Variants in SLC3A1 observed in about 807,000 individuals in gnomAD.
SLC3A1 encodes amino acid transporter heavy chain SLC3A1.
In SLC3A1, 78 loss-of-function variants were observed where a neutral mutation model predicts 60.3. The ratio of observed to expected loss-of-function variants is 1.29; its 90% confidence interval spans 1.08 to 1.56. The LOEUF (loss-of-function observed/expected upper bound fraction) is 1.56, where lower values mean the gene tolerates loss of function less well. SLC3A1 is among the 40% of genes most tolerant of loss of function. The probability of loss-of-function intolerance (pLI) is 0.00; values close to 1 mark genes in which losing one functional copy is unlikely to be tolerated. For missense variants in SLC3A1, 1,172 were observed against 858.9 expected, an observed-to-expected ratio of 1.36 and a Z score of -4.56; for synonymous variants, 392 against 307.9, an observed-to-expected ratio of 1.27 and a Z score of -2.86.
rs1017586552 is a variant in SLC3A1 at position 44,312,682 on chromosome 2, A to G, written c.1429A>G (p.Ile477Val). The G allele has an allele frequency of 6.8e-6, 11 of 1,613,246 alleles. No individual in the cohort carries two copies. Among genetic ancestry groups the G allele is most frequent in the African/African-American group, 1.3e-5 (1 of 74,912 alleles). Residue 477 changes from isoleucine to valine, a missense_variant, in exon 8 of 10, where the codon ATA (isoleucine) becomes GTA (valine). Transcript: ENST00000260649. ...TCTTTTCACACTCCCTGGAACTCCT[A>G]TAACTTACTATGGAGAAGAAATTGG... ...MLLFTLPGTP[I>V]TYYGEEIGMG...
At chr2:44,310,540 A>C (rs1672268925) in intron 7 of SLC3A1, among the ~76,000 whole-genome samples, 1 of 151,942 alleles carries the variant, frequency 6.6e-6, no homozygotes, top group African/African-American at 2.4e-5. Flanking sequence ...TGATGTACCA[A>C]TTTTCTTTGC....
intron 9 of SLC3A1, among the ~76,000 whole-genome samples, chr2:44,315,675 A>AAAAT (rs1553347695): frequency 6.7e-5 from 10 of 150,336 alleles, no homozygotes; most frequent in African/African-American, 2.5e-4. Flanking sequence ...AAAAAAAAAA[A>AAAAT]GCAGAGAATA....
At chr2:44,318,875 T>C (rs1380689005) in intron 9 of SLC3A1, 1 of 152,170 alleles carries the variant, frequency 6.6e-6, no homozygotes, top group Non-Finnish European at 1.5e-5. Flanking sequence ...AAATCATGAC[T>C]ACGCATCTAA....
At chr2:44,296,006 G>C (rs1381609349) in intron 4 of SLC3A1, among the ~76,000 whole-genome samples, 1 of 152,188 alleles carries the variant, frequency 6.6e-6, no homozygotes, top group Non-Finnish European at 1.5e-5. Flanking sequence ...CTTAAAATGA[G>C]CAAAGAAGGG....
At position 44,313,818 on chromosome 2, in the gene SLC3A1, C is replaced by A; in HGVS notation, c.1501-17C>A. On this transcript the variant is annotated splice_polypyrimidine_tract_variant and intron_variant, in intron 8 of 9. Transcript: ENST00000260649. ...ATAACCAAACCACTGTTTTCCCTTT[C>A]TGGTCTTTTGACATAGAATACCCTT... The A allele has an allele frequency of 2.5e-6, 4 of 1,581,846 alleles. No individual in the cohort carries two copies. The highest frequency in any genetic ancestry group is 3.5e-6 in the Non-Finnish European group (4 of 1,150,538).
chr2:44,318,252 G>A lies in SLC3A1; in HGVS notation c.1618-1947G>A, dbSNP rs145898308. On this transcript the variant is annotated intron_variant, in intron 9 of 9. Coordinates refer to ENST00000260649, the MANE Select transcript of SLC3A1 (RefSeq NM_000341.4). ...ATTACAGGTGCACGTCATTATGCCC[G>A]GGTAATTTCTGTATTTTTTAGTAGA... is the stretch of plus-strand genomic sequence containing the variant. 4.7e-3 allele frequency: 1,466 copies of A among 310,640 alleles called. 27 individuals carry two copies. The highest frequency in any genetic ancestry group is 0.031 in the African/African-American group (1,365 of 43,450). The allele number at this position is 310,640 out of a possible 1,614,324, so 19.2% of individuals were successfully genotyped here.
chr2:44,292,012 T>C (rs1671749948), intron 4 of SLC3A1, among the ~76,000 whole-genome samples: 1 of 152,206 alleles, frequency 6.6e-6, no homozygotes, highest in African/African-American at 2.4e-5. Flanking sequence ...TATAATACTT[T>C]ATACTTTCCC....
chr2:44,304,100 TC>T (rs1166014843), intron 6 of SLC3A1, 42 bp from the exon 7 acceptor site: 3 of 1,535,544 alleles, frequency 2.0e-6, no homozygotes, highest in Non-Finnish European at 2.7e-6. Context: ...TTCCCAGTCT[TC>T]TGACAGGCCC....
intron 4 of SLC3A1, among the ~76,000 whole-genome samples, chr2:44,295,325 G>C (rs1222554328): frequency 5.3e-5 from 8 of 152,154 alleles, no homozygotes; most frequent in African/African-American, 1.4e-4. Context: ...CAAGGACGTA[G>C]TGTATAGTCC....
chr2:44,281,572 G>A, intron 3 of SLC3A1, 31 bp downstream of exon 3: 2 of 1,608,720 alleles, frequency 1.2e-6, no homozygotes, highest in African/African-American at 1.3e-5. Flanking sequence ...CTTACAAAGG[G>A]GTAAAAGGCA....
At chr2:44,316,272 T>C (rs1007856654) in intron 9 of SLC3A1, 1 of 152,102 alleles carries the variant, frequency 6.6e-6, no homozygotes, top group African/African-American at 2.4e-5. Flanking sequence ...AAGACTTAAA[T>C]ATAAGTATAA....
In SLC3A1 at chr2:44,321,337, C is replaced by T. The variant is rs773916425; in HGVS notation, c.*698C>T. The T allele has an allele frequency of 3.0e-5, 47 of 1,566,532 alleles. No homozygotes were observed. The highest frequency in any genetic ancestry group is 4.0e-5 in the Non-Finnish European group (45 of 1,139,090). On this transcript the variant is annotated 3_prime_UTR_variant, in exon 10 of 10. Coordinates refer to ENST00000260649, the MANE Select transcript of SLC3A1 (RefSeq NM_000341.4). ...GAAATATTTCAGTGTGTTTCCAATT[C>T]CCAGTTGAATGCAGTGTTTCAGAAT...
intron 1 of SLC3A1, among the ~76,000 whole-genome samples, chr2:44,277,057 C>CTAG (rs1671359732): frequency 6.7e-6 from 1 of 149,918 alleles, no homozygotes; most frequent in Admixed American, 6.6e-5. Flanking sequence ...TCTTTAATCA[C>CTAG]TAGTAGAAGG....
intron 7 of SLC3A1, among the ~76,000 whole-genome samples, chr2:44,304,960 T>C (rs1208224286): frequency 6.6e-6 from 1 of 151,756 alleles, no homozygotes; most frequent in East Asian, 1.9e-4. Flanking sequence ...TAGCTGGGAC[T>C]ACAGGTGCAT....
chr2:44,303,170 C>G (rs1338841794), intron 6 of SLC3A1, among the ~76,000 whole-genome samples: 1 of 149,548 alleles, frequency 6.7e-6, no homozygotes, highest in Non-Finnish European at 1.5e-5. Context: ...CATTGCACTC[C>G]AGCCTGGGCA....
At chr2:44,283,763 TATATC>T (rs1387886991) in intron 3 of SLC3A1, among the ~76,000 whole-genome samples, 1 of 152,172 alleles carries the variant, frequency 6.6e-6, no homozygotes, top group East Asian at 1.9e-4. Flanking sequence ...CACCTTGTAG[TATATC>T]ATATATATAA....
intron 5 of SLC3A1, 119 bp downstream of exon 5, chr2:44,300,209 A>G: frequency 1.0e-6 from 1 of 991,942 alleles, no homozygotes; most frequent in African/African-American, 1.6e-5. Flanking sequence ...TCTAGCAAGT[A>G]CCCTGATTTA....
chr2:44,313,957 T>G lies in SLC3A1; in HGVS notation c.1617+6T>G. The G allele has an allele frequency of 6.2e-7, 1 of 1,614,060 alleles. No homozygotes were observed. The highest frequency in any genetic ancestry group is 2.2e-5 in the East Asian group (1 of 44,856). On this transcript the variant is annotated splice_donor_region_variant and intron_variant, in intron 9 of 9. Transcript: ENST00000260649. The stretch of plus-strand genomic sequence containing the variant: ...ACCACACTGTGAATGTTGATGTAAG[T>G]ATCAGTGAAAATTTTATGTTGATTC...
chr2:44,281,647 A>T (rs1671502789), intron 3 of SLC3A1, 106 bp downstream of exon 3: 2 of 1,056,208 alleles, frequency 1.9e-6, no homozygotes, highest in Middle Eastern at 2.0e-4. Flanking sequence ...AATATAGTTT[A>T]TCGGAAGGGG....
Sources: gnomAD v4.1 joint callset for allele counts (sites outside exome capture counted in the v4.1 genomes callset) on GRCh38, gnomAD v4.1.1 for gene constraint, MANE v1.5 for transcripts, NCBI Gene and HGNC (gene_info 2026-07-23, HGNC 2026-07-21) for gene names.